ZNF619: variants seen among roughly 807,000 people sequenced by gnomAD.
ZNF619 encodes the protein zinc finger protein 619.
A neutral mutation model predicts 14.2 loss-of-function variants in ZNF619; 9 were observed. That is an observed-to-expected ratio of 0.64 (90% CI 0.38 to 1.11). The LOEUF is 1.11. Ranked by LOEUF, ZNF619 falls within the 50% of genes least tolerant of loss-of-function variation. ZNF619 has a pLI of 0.01. For synonymous variants in ZNF619, 246 were observed against 252.8 expected (o/e 0.97, Z 0.26); for missense variants, 659 against 680.1 (o/e 0.97, Z 0.34).
At chr3:40,478,510 A>T (rs184809215) in intron 2 of ZNF619, among the ~76,000 whole-genome samples, 267 of 152,280 alleles carry the variant, frequency 1.8e-3, no homozygotes, top group Non-Finnish European at 3.2e-3. Context: ...AACTGGAAAC[A>T]TGTGGAAAAT....
Position 40,482,251 on chromosome 3 carries a change from C to T in ZNF619, c.178+235C>T, listed in dbSNP as rs1205236493. 3.9e-6 allele frequency: 6 copies of T among 1,551,758 alleles called. No homozygotes were observed. In the African/African-American group the frequency reaches 8.2e-5, roughly 21 times the overall value. On this transcript the variant is annotated intron_variant, in intron 3 of 4. Transcript: ENST00000432264. ...GGAGACCCAACTGCAGGGGGCTTTC[C>T]TCTGGATACAGAGAGAACTGAGAAG...
rs1301967670 is a variant in ZNF619 at position 40,489,893 on chromosome 3, CAAG to C, written c.*1655_*1657del. ...TTATAAAGAACTGTTTTGATGACAC[CAAG>C]AAATGTTTTCAGTGTGCAGATTGCT... is the stretch of plus-strand genomic sequence containing the variant. On this transcript the variant is annotated 3_prime_UTR_variant, in exon 5 of 5. Coordinates refer to ENST00000432264, the MANE Select transcript of ZNF619 (RefSeq NM_001145093.4). The C allele has an allele frequency of 2.0e-5, 3 of 152,080 alleles. No individual in the cohort carries two copies. The highest frequency in any genetic ancestry group is 2.0e-4 in the Admixed American group (3 of 15,268). The allele number at this position is 152,080 out of a possible 1,614,324, so 9.4% of individuals were successfully genotyped here. A position where few individuals can be genotyped will look rare whatever the true frequency, so the allele number is the denominator to read the frequency against.
chr3:40,479,811 C>T (rs930427365), intron 2 of ZNF619, among the ~76,000 whole-genome samples: 7 of 152,146 alleles, frequency 4.6e-5, no homozygotes, highest in Admixed American at 2.6e-4. Context: ...ACTACCATTA[C>T]CACCACACTG....
At chr3:40,483,535 C>G (rs1697477373) in intron 4 of ZNF619, 1 of 408,808 alleles carries the variant, frequency 2.4e-6, no homozygotes, top group Non-Finnish European at 4.8e-6. Context: ...TTGGTCCGCC[C>G]CACCCTCGGC....
rs766765662 is a variant in ZNF619, at chr3:40,481,893, C to A, written c.55C>A (p.Pro19Thr). Reference sequence around the variant, plus strand: ...GGGCAGGAACCTGTTGTTTCAGGAGCCAGTAACCTTTGAGGATGTGGCTGT... The same window carrying A: ...GGGCAGGAACCTGTTGTTTCAGGAGACAGTAACCTTTGAGGATGTGGCTGT... ...GLGRNLLFQEPVTFEDVAVYF... is the reference protein window; with the variant it reads ...GLGRNLLFQETVTFEDVAVYF... The change falls in exon 3 of 5, where the codon CCA becomes ACA. Residue 19 changes from proline to threonine, a missense_variant. By Grantham distance (38) the Pro-to-Thr change is conservative. Transcript: ENST00000432264. The A allele has an allele frequency of 1.2e-6, 2 of 1,612,574 alleles. No individual in the cohort carries two copies. Among genetic ancestry groups the A allele is most frequent in the South Asian group, 2.2e-5 (2 of 90,916 alleles).
chr3:40,477,925 G>T lies in ZNF619; in HGVS notation c.-55G>T. The T allele has an allele frequency of 4.5e-6, 7 of 1,543,270 alleles. No individual in the cohort carries two copies. Among genetic ancestry groups the T allele is most frequent in the Non-Finnish European group, 6.1e-6 (7 of 1,139,126 alleles). On this transcript the variant is annotated 5_prime_UTR_variant, in exon 2 of 5. The change creates a new upstream start codon in the 5' untranslated region. Coordinates refer to ENST00000432264, the MANE Select transcript of ZNF619 (RefSeq NM_001145093.4). ...ATTGTGGTTCTCTCTTAGCTCCGCA[G>T]GTTCTTACTTTTTCAAACCTAGAGG...
intron 2 of ZNF619, among the ~76,000 whole-genome samples, chr3:40,478,467 G>A (rs1697273757): frequency 6.6e-6 from 1 of 152,196 alleles, no homozygotes. Flanking sequence ...AGTTTACCCT[G>A]CAGACCACTC....
chr3:40,479,861 TA>T (rs1438985253), intron 2 of ZNF619, among the ~76,000 whole-genome samples: 2 of 152,158 alleles, frequency 1.3e-5, no homozygotes, highest in Non-Finnish European at 2.9e-5. Context: ...TATTGCCACA[TA>T]GTCTCTGGGG....
Position 40,487,575 on chromosome 3 carries a change from T to A in ZNF619, c.1065T>A (p.Ser355=). 6.2e-7 allele frequency: 1 copy of A among 1,613,940 alleles called. No homozygotes were observed. Residue 355 remains serine (S), a synonymous_variant, in exon 5 of 5, where the codon TCT becomes TCA. Transcript: ENST00000432264. The stretch of plus-strand genomic sequence containing the variant: ...AGGAGTGTGGGAAGAGTTTGAGTTC[T>A]AATTCAGTTCTGATTCAGCATCAGA... ...ECKECGKSLS[S]NSVLIQHQRI...
At chr3:40,480,792 G>T (rs1156370665) in intron 2 of ZNF619, among the ~76,000 whole-genome samples, 2 of 152,156 alleles carry the variant, frequency 1.3e-5, no homozygotes, top group African/African-American at 2.4e-5. Context: ...GAGCCACTGT[G>T]CCCAGCCCAA....
chr3:40,478,117 G>A (rs1697257742), intron 2 of ZNF619, 114 bp downstream of exon 2: 1 of 1,024,466 alleles, frequency 9.8e-7, no homozygotes. Flanking sequence ...CTTCAATAAA[G>A]TATGTAAAAA....
In ZNF619 at chr3:40,487,064, G is replaced by C; in HGVS notation, c.554G>C (p.Ser185Thr). ...GAGATAGCCAGGAAATTGGAAGAAA[G>C]TAGTGTCAGCACACATCTCATTACA... Reference protein sequence around the residue: ...REEIARKLEESSVSTHLITKQ... With the variant: ...REEIARKLEETSVSTHLITKQ... Residue 185 changes from serine to threonine, a missense_variant, in exon 5 of 5, where the codon AGT becomes ACT. By Grantham distance (58) the Ser-to-Thr change is moderately conservative (BLOSUM62 1). Transcript: ENST00000432264. 1 of 1,614,144 alleles carries C rather than the reference G, an allele frequency of 6.2e-7. No individual in the cohort carries two copies. Among genetic ancestry groups the C allele is most frequent in the South Asian group, 1.1e-5 (1 of 91,090 alleles).
rs776275395 is a variant in ZNF619 at position 40,482,041 on chromosome 3, CTCAGCT to C, written c.178+28_178+33del. 16 of 1,577,440 alleles carry C rather than the reference CTCAGCT, an allele frequency of 1.0e-5. No individual in the cohort carries two copies. The African/African-American group carries it at 2.0e-4, about 20-fold the overall frequency. ...TGTAAGTCCTCCTTCCTCTCTGAAA[CTCAGCT>C]TCTGCCCTTGGGAGCTCCTAGATTC... On this transcript the variant is annotated intron_variant, in intron 3 of 4. Transcript: ENST00000432264.
chr3:40,486,729 G>A (rs1289195809), intron 4 of ZNF619, 77 bp from the exon 5 acceptor site: 2 of 1,214,806 alleles, frequency 1.6e-6, no homozygotes, highest in African/African-American at 3.0e-5. Context: ...ATGTGTCTAG[G>A]GCAAGCTGTT....
In ZNF619 at chr3:40,485,543, T is replaced by C. The variant is rs575303178; in HGVS notation, c.296-1263T>C. On this transcript the variant is annotated intron_variant, in intron 4 of 4. Transcript: ENST00000432264. ...ATCTCGAACTCCTGAAATCAGGTGA[T>C]CCACCTGCCTCGGCCTCCCAAAGTG... Among the ~76,000 whole-genome samples, 230 of 152,248 alleles carry C rather than the reference T, an allele frequency of 1.5e-3. 1 individual carries two copies. Among genetic ancestry groups the C allele is most frequent in the African/African-American group, 5.3e-3 (222 of 41,552 alleles).
intron 2 of ZNF619, among the ~76,000 whole-genome samples, chr3:40,478,243 A>T (rs1023183654): frequency 1.3e-5 from 2 of 152,164 alleles, no homozygotes; most frequent in Non-Finnish European, 2.9e-5. Context: ...TGAGAACTGA[A>T]AGTGTGGCCT....
chr3:40,485,333 G>C (rs1402812685), intron 4 of ZNF619, among the ~76,000 whole-genome samples: 1 of 137,452 alleles, frequency 7.3e-6, no homozygotes, highest in African/African-American at 2.8e-5. Context: ...ACAGAGTCTT[G>C]GTCTATCCCC....
chr3:40,485,394 T>C (rs887242978), intron 4 of ZNF619, among the ~76,000 whole-genome samples: 2 of 151,502 alleles, frequency 1.3e-5, no homozygotes, highest in Non-Finnish European at 2.9e-5. Context: ...CTCTGCCTCC[T>C]AGGTTCAACC....
At chr3:40,484,556 T>C (rs571171747) in intron 4 of ZNF619, among the ~76,000 whole-genome samples, 40 of 152,322 alleles carry the variant, frequency 2.6e-4, no homozygotes, top group Admixed American at 9.8e-4. Flanking sequence ...TAAATTGATT[T>C]CAGCATTTCA....
Sources: allele counts gnomAD v4.1 joint callset (sites outside exome capture counted in the v4.1 genomes callset), GRCh38; gene constraint gnomAD v4.1.1; transcripts MANE v1.5; gene names NCBI Gene and HGNC (gene_info 2026-07-23, HGNC 2026-07-21).